PTPN3: variants seen among roughly 807,000 people sequenced by gnomAD.
PTPN3 encodes tyrosine-protein phosphatase non-receptor type 3.
In PTPN3, 96 loss-of-function variants were observed where a neutral mutation model predicts 132.7. The ratio of observed to expected loss-of-function variants is 0.72; its 90% CI spans 0.61 to 0.86. The LOEUF is 0.86. PTPN3 is among the 40% of genes least tolerant of loss of function. PTPN3 has a pLI of 0.00. For synonymous variants in PTPN3, 398 were observed against 429.0 expected, an observed-to-expected ratio of 0.93 and a Z score of 0.89; for missense variants, 1,125 against 1,159.6, an observed-to-expected ratio of 0.97 and a Z score of 0.43.
At chr9:109,506,608 T>A in the PTPN3 span, among the ~76,000 whole-genome samples, 1 of 26,060 alleles carries the variant, frequency 3.8e-5, no homozygotes, top group Admixed American at 4.5e-4. Flanking sequence ...TCTTTCTTTC[T>A]TTTTTTTTTT....
upstream of PTPN3, among the ~76,000 whole-genome samples, chr9:109,499,867 G>GGCCTC (rs1053242470): frequency 6.6e-6 from 1 of 152,144 alleles, no homozygotes; most frequent in Non-Finnish European, 1.5e-5. Context: ...GGCCCGGCCC[G>GGCCTC]GCCTCGAGTC....
chr9:109,508,786 A>G, the PTPN3 span, among the ~76,000 whole-genome samples: 6 of 152,316 alleles, frequency 3.9e-5, no homozygotes, highest in African/African-American at 9.6e-5. Flanking sequence ...AGGTATAACT[A>G]ATCTGTGATT....
upstream of PTPN3, among the ~76,000 whole-genome samples, chr9:109,502,940 T>C (rs899813848): frequency 6.6e-6 from 1 of 152,222 alleles, no homozygotes; most frequent in Non-Finnish European, 1.5e-5. Context: ...GACTATTGCA[T>C]TTATGTGCAG....
intron 19 of PTPN3, among the ~76,000 whole-genome samples, chr9:109,395,300 G>T (rs1352537548): frequency 6.6e-6 from 1 of 151,618 alleles, no homozygotes; most frequent in Non-Finnish European, 1.5e-5. Context: ...TACAACAAAA[G>T]AAATCTATTT....
chr9:109,489,908 G>T (rs1847378967), intron 1 of PTPN3, among the ~76,000 whole-genome samples: 1 of 152,128 alleles, frequency 6.6e-6, no homozygotes, highest in Non-Finnish European at 1.5e-5. Context: ...CAGGCCGGGT[G>T]GGGTGGCTCA....
upstream of PTPN3, among the ~76,000 whole-genome samples, chr9:109,501,687 C>G (rs1308235377): frequency 1.3e-5 from 2 of 152,178 alleles, no homozygotes; most frequent in African/African-American, 4.8e-5. Context: ...TTGAACTCAG[C>G]CAAGTGTAGA....
chr9:109,442,408 G>A (rs1043545458), intron 7 of PTPN3, among the ~76,000 whole-genome samples: 2 of 152,140 alleles, frequency 1.3e-5, no homozygotes, highest in African/African-American at 2.4e-5. Flanking sequence ...AGGGTGGAGG[G>A]ATAAAAGCTT....
intron 14 of PTPN3, 142 bp downstream of exon 14, chr9:109,420,282 T>C: frequency 1.2e-6 from 1 of 823,500 alleles, no homozygotes; most frequent in Non-Finnish European, 1.8e-6. Flanking sequence ...TGATTTATGT[T>C]CTTATCCTGG....
At chr9:109,510,386 C>T in the PTPN3 span, among the ~76,000 whole-genome samples, 1 of 151,410 alleles carries the variant, frequency 6.6e-6, no homozygotes, top group African/African-American at 2.4e-5. Context: ...TGGAGAAACC[C>T]TGTCTCTACT....
At chr9:109,408,788 A>ATATATATATATATATAT (rs1300361920) in intron 16 of PTPN3, among the ~76,000 whole-genome samples, 3 of 52,842 alleles carry the variant, frequency 5.7e-5, no homozygotes, top group African/African-American at 6.8e-5. Context: ...AATTAAAAAA[A>ATATATATATATATATAT]AAAAAAAAAT....
At chr9:109,433,420 C>T (rs1843801393) in intron 9 of PTPN3, among the ~76,000 whole-genome samples, 1 of 152,234 alleles carries the variant, frequency 6.6e-6, no homozygotes, top group Admixed American at 6.5e-5. Context: ...AATAAGCCCA[C>T]TCATTCCACG....
chr9:109,409,029 C>T (rs1841858599), intron 16 of PTPN3, among the ~76,000 whole-genome samples: 1 of 151,780 alleles, frequency 6.6e-6, no homozygotes, highest in Admixed American at 6.6e-5. Context: ...CACCTGCCCT[C>T]ACTTTGTCCT....
Position 109,457,494 on chromosome 9 carries a change from A to C in PTPN3, c.139-95T>G, listed in dbSNP as rs1385724471. On this transcript the variant is annotated intron_variant, in intron 2 of 25. Coordinates refer to ENST00000374541, the MANE Select transcript of PTPN3 (RefSeq NM_002829.4). ...GGCAAAAAAGAGTTAAAATATTCAG[A>C]AATGCTATGCACACACACTTCCCAC... 6 of 944,020 alleles carry C rather than the reference A, an allele frequency of 6.4e-6. No individual in the cohort carries two copies. In the African/African-American group the frequency reaches 1.0e-4, roughly 16 times the overall value. The allele number at this position is 944,020 out of a possible 1,614,324, so 58.5% of individuals were successfully genotyped here. A position where few individuals can be genotyped will look rare whatever the true frequency, so the allele number is the denominator to read the frequency against.
chr9:109,524,406 T>TACATATATATACATTATATATAGAGC, the PTPN3 span, among the ~76,000 whole-genome samples: 1 of 39,290 alleles, frequency 2.5e-5, no homozygotes, highest in Non-Finnish European at 4.7e-5. Context: ...CCTCTGAAGT[T>TACATATATATACATTATATATAGAGC]CAGATACATT....
At chr9:109,410,469 G>T in intron 14 of PTPN3, 54 bp from the exon 15 acceptor site, 1 of 1,568,412 alleles carries the variant, frequency 6.4e-7, no homozygotes, top group Non-Finnish European at 8.8e-7. Context: ...TTTTATTAGA[G>T]CAAACACTAC....
chr9:109,455,773 C>T (rs992940142), intron 4 of PTPN3, among the ~76,000 whole-genome samples: 14 of 152,316 alleles, frequency 9.2e-5, no homozygotes, highest in South Asian at 4.1e-4. Flanking sequence ...GAATGTCGAA[C>T]CCTCTGGGCT....
At chr9:109,535,447 C>T in the PTPN3 span, among the ~76,000 whole-genome samples, 1 of 152,210 alleles carries the variant, frequency 6.6e-6, no homozygotes, top group African/African-American at 2.4e-5. Flanking sequence ...ACATTCCAGG[C>T]TTGCAAGAGC....
chr9:109,415,067 CG>C (rs1299333792), intron 14 of PTPN3, among the ~76,000 whole-genome samples: 1 of 119,858 alleles, frequency 8.3e-6, no homozygotes, highest in Non-Finnish European at 1.8e-5. Flanking sequence ...TCCATCCGTC[CG>C]TCCATCCAAC....
At chr9:109,525,561 T>A in the PTPN3 span, among the ~76,000 whole-genome samples, 3 of 152,024 alleles carry the variant, frequency 2.0e-5, no homozygotes, top group Non-Finnish European at 4.4e-5. Flanking sequence ...TTTAAAAGAG[T>A]CCTCCCATTG....
Sources: allele counts gnomAD v4.1 joint callset (sites outside exome capture counted in the v4.1 genomes callset), GRCh38; gene constraint gnomAD v4.1.1; transcripts MANE v1.5; gene names NCBI Gene and HGNC (gene_info 2026-07-23, HGNC 2026-07-21).